LDLRAP1: variants seen among roughly 807,000 people sequenced by gnomAD.
LDLRAP1 encodes low density lipoprotein receptor adapter protein 1.
Under a neutral mutation model 37.8 loss-of-function variants are expected in LDLRAP1, and 30 were observed. The ratio of observed to expected loss-of-function variants is 0.79; its 90% confidence interval spans 0.59 to 1.08. The LOEUF is 1.08. Ranked by LOEUF, LDLRAP1 falls within the 50% of genes least tolerant of loss-of-function variation. The pLI is 0.00. For missense variants in LDLRAP1, 375 were observed against 401.6 expected, an observed-to-expected ratio of 0.93 and a Z score of 0.57; for synonymous variants, 156 against 169.8, an observed-to-expected ratio of 0.92 and a Z score of 0.63.
At chr1:25,562,026 T>C (rs142139655) in intron 4 of LDLRAP1, among the ~76,000 whole-genome samples, 8 of 152,210 alleles carry the variant, frequency 5.3e-5, no homozygotes, top group Admixed American at 2.0e-4. Context: ...GGCCCTTCCT[T>C]ACAGGTGGGT....
At chr1:25,557,288 C>A in intron 4 of LDLRAP1, 21 bp downstream of exon 4, 6 of 730,462 alleles carry the variant, frequency 8.2e-6, no homozygotes, top group Non-Finnish European at 1.4e-5. Context: ...AGGGCTGGGG[C>A]GGGGACAGGG....
chr1:25,562,161 C>T (rs1428666115), intron 4 of LDLRAP1, among the ~76,000 whole-genome samples: 2 of 152,228 alleles, frequency 1.3e-5, no homozygotes, highest in Admixed American at 6.5e-5. Flanking sequence ...TAACTTTCAC[C>T]TCTCTGGCTG....
downstream of LDLRAP1, among the ~76,000 whole-genome samples, chr1:25,569,046 G>T (rs567054033): frequency 3.4e-4 from 51 of 152,086 alleles, no homozygotes; most frequent in Non-Finnish European, 6.2e-4. Flanking sequence ...AAGGCCCAGT[G>T]GGGCCCCCTT....
At position 25,544,749 on chromosome 1, in the gene LDLRAP1, T is replaced by G. The variant is rs1330271623; in HGVS notation, c.88+963T>G. Reference sequence around the variant, plus strand: ...GGTCACACACACCTTCCTGCTGGTTTTGGAGCCAGAGCCCAGGACTGCTGC... The same window carrying G: ...GGTCACACACACCTTCCTGCTGGTTGTGGAGCCAGAGCCCAGGACTGCTGC... On this transcript the variant is annotated intron_variant, in intron 1 of 8. Coordinates refer to ENST00000374338, the MANE Select transcript of LDLRAP1 (RefSeq NM_015627.3). This position sits in a 1 kb window ranked among gnomAD's most constrained non-coding sequence, Gnocchi z 4.8. Among the ~76,000 whole-genome samples, 2 of 152,202 alleles carry G rather than the reference T, an allele frequency of 1.3e-5. No homozygotes were observed.
In LDLRAP1 at chr1:25,565,798, C is replaced by T. The variant is rs114889477; in HGVS notation, c.782+591C>T. Among the ~76,000 whole-genome samples, 1,277 of 152,256 alleles carry T rather than the reference C, an allele frequency of 8.4e-3. 14 individuals carry two copies. Among genetic ancestry groups the T allele is most frequent in the African/African-American group, 0.029 (1,199 of 41,542 alleles). On this transcript the variant is annotated intron_variant, in intron 8 of 8. Transcript: ENST00000374338. ...GAGAGGCCTGGGCAGGTCAGGGTTC[C>T]GAGCCCTGGGTCCCCGTCTGTCAGG...
chr1:25,564,890 T>A, intron 7 of LDLRAP1: 1 of 467,968 alleles, frequency 2.1e-6, no homozygotes, highest in Non-Finnish European at 3.9e-6. Flanking sequence ...TTGCCCAAGG[T>A]CTCACGGGCA....
At chr1:25,561,937 G>A (rs1409015415) in intron 4 of LDLRAP1, among the ~76,000 whole-genome samples, 1 of 152,142 alleles carries the variant, frequency 6.6e-6, no homozygotes, top group Non-Finnish European at 1.5e-5. Flanking sequence ...TCTGGGACTG[G>A]TGACAGGAGA....
chr1:25,552,276 T>C (rs1296130791), intron 1 of LDLRAP1, among the ~76,000 whole-genome samples: 8 of 152,226 alleles, frequency 5.3e-5, no homozygotes, highest in African/African-American at 1.7e-4. Context: ...CCCACATCCC[T>C]GCCAGAGCCT....
At chr1:25,566,748 C>A (rs2044491507) in intron 8 of LDLRAP1, 100 bp from the exon 9 acceptor site, 13 of 1,440,928 alleles carry the variant, frequency 9.0e-6, no homozygotes, top group South Asian at 1.2e-5. Context: ...CCTTCTTGGG[C>A]CATGTGCCCT....
rs2044531292 is a variant in LDLRAP1, at chr1:25,568,048, GCCT to G, written c.*1064_*1066del. 1 of 152,630 alleles carries G rather than the reference GCCT, an allele frequency of 6.6e-6. No individual in the cohort carries two copies. The highest frequency in any genetic ancestry group is 1.5e-5 in the Non-Finnish European group (1 of 68,052). 9.5% of individuals were successfully genotyped at this position (152,630 alleles called of 1,614,324 possible). A position where few individuals can be genotyped will look rare whatever the true frequency, so the allele number is the denominator to read the frequency against. ...TGATGCCAAAGCTGCTTTCTTCTCTGCCTCCTCCTCACGCAACTCACACCTCCT... is the reference window on the plus strand; with the variant it reads ...TGATGCCAAAGCTGCTTTCTTCTCTGCCTCCTCACGCAACTCACACCTCCT... On this transcript the variant is annotated 3_prime_UTR_variant, in exon 9 of 9. Coordinates refer to ENST00000374338, the MANE Select transcript of LDLRAP1 (RefSeq NM_015627.3).
At chr1:25,572,170 C>A (rs1422722271), downstream of LDLRAP1, among the ~76,000 whole-genome samples, 1 of 152,194 alleles carries the variant, frequency 6.6e-6, no homozygotes, top group African/African-American at 2.4e-5. Context: ...GTCTGATTTG[C>A]CCCATGGCCT....
the LDLRAP1 span, among the ~76,000 whole-genome samples, chr1:25,582,793 C>T: frequency 2.7e-3 from 407 of 151,464 alleles, 2 homozygotes; most frequent in African/African-American, 8.5e-3. Context: ...TACAATGAGC[C>T]GGGTACGGTG....
At chr1:25,580,297 C>T in the LDLRAP1 span, among the ~76,000 whole-genome samples, 3,093 of 152,246 alleles carry the variant, frequency 0.02, 104 homozygotes, top group African/African-American at 0.068. Flanking sequence ...GGCACAGTGG[C>T]TCCTGCCTGT....
chr1:25,562,555 C>A, intron 4 of LDLRAP1, 89 bp from the exon 5 acceptor site: 1 of 1,087,038 alleles, frequency 9.2e-7, no homozygotes, highest in Non-Finnish European at 1.4e-6. Context: ...AGCCAGGGGG[C>A]CTGGCCTGGA....
chr1:25,554,899 A>G lies in LDLRAP1; in HGVS notation c.271A>G (p.Lys91Glu). 1 of 1,614,204 alleles carries G rather than the reference A, an allele frequency of 6.2e-7. No homozygotes were observed. Among genetic ancestry groups the G allele is most frequent in the Non-Finnish European group, 8.5e-7 (1 of 1,180,012 alleles). The stretch of plus-strand genomic sequence containing the variant: ...GAAGAAGCTGCAGAAGGTGACTCTG[A>G]AGGTGTCGCCACGGGGAATTATCCT... ...SGKKLQKVTL[K>E]VSPRGIILTD... Residue 91 changes from lysine (K) to glutamate (E), a missense_variant, in exon 3 of 9, where the codon AAG becomes GAG. Lys to Glu is a moderately conservative substitution (Grantham distance 56). Coordinates refer to ENST00000374338, the MANE Select transcript of LDLRAP1 (RefSeq NM_015627.3). This position sits in a 1 kb window ranked among gnomAD's most constrained non-coding sequence, Gnocchi z 5.4.
the LDLRAP1 span, among the ~76,000 whole-genome samples, chr1:25,585,469 G>A: frequency 6.6e-5 from 10 of 152,124 alleles, no homozygotes; most frequent in Non-Finnish European, 1.3e-4. Context: ...GGGACTACAG[G>A]TGCCTGCCAC....
chr1:25,577,684 G>A, the LDLRAP1 span, among the ~76,000 whole-genome samples: 14 of 152,238 alleles, frequency 9.2e-5, no homozygotes, highest in South Asian at 8.3e-4. Context: ...ACCTGGCGGG[G>A]ACAAGACAGG....
chr1:25,565,977 CCTT>C (rs1041746335), intron 8 of LDLRAP1, among the ~76,000 whole-genome samples: 4 of 152,168 alleles, frequency 2.6e-5, no homozygotes, highest in Non-Finnish European at 4.4e-5. Flanking sequence ...TTCCTTGCCT[CCTT>C]CTTGCCAGGG....
the LDLRAP1 span, among the ~76,000 whole-genome samples, chr1:25,576,083 T>A: frequency 2.0e-4 from 29 of 147,720 alleles, no homozygotes; most frequent in African/African-American, 7.3e-4. Flanking sequence ...AAAAAAAAAA[T>A]TAGCCGGGCA....
Sources: allele counts gnomAD v4.1 joint callset (sites outside exome capture counted in the v4.1 genomes callset), GRCh38; gene constraint gnomAD v4.1.1; non-coding constraint Gnocchi (gnomAD v3.1); transcripts MANE v1.5; gene names NCBI Gene and HGNC (gene_info 2026-07-23, HGNC 2026-07-21).